The following CYFIP2 variants were observed in gnomAD, a reference collection of about 807,000 sequenced individuals.
CYFIP2 encodes cytoplasmic FMR1-interacting protein 2.
In CYFIP2, 29 loss-of-function variants were observed where a neutral mutation model predicts 158.7. That is an observed-to-expected ratio of 0.18 (90% CI 0.14 to 0.25). CYFIP2 has a LOEUF of 0.25. Among genes scored for constraint, CYFIP2 ranks in the 10% least tolerant of loss-of-function variants. The pLI, the probability that CYFIP2 is intolerant of heterozygous loss-of-function variation, is 1.00. For synonymous variants in CYFIP2, 585 were observed against 617.6 expected (o/e 0.95, Z 0.78); for missense variants, 852 against 1,639.5 (o/e 0.52, Z 8.29).
chr5:157,305,973 C>G (rs745630930), intron 8 of CYFIP2, among the ~76,000 whole-genome samples: 102 of 152,272 alleles, frequency 6.7e-4, no homozygotes, highest in Middle Eastern at 3.4e-3. Context: ...TTTCCATAAG[C>G]CTTCCTTAGC....
intron 3 of CYFIP2, among the ~76,000 whole-genome samples, chr5:157,294,224 T>C (rs915189259): frequency 6.6e-6 from 1 of 152,198 alleles, no homozygotes; most frequent in African/African-American, 2.4e-5. Flanking sequence ...GAAAGGGCTA[T>C]TATCATCCTT....
rs1227665621 is a variant in CYFIP2, at chr5:157,266,316, G to A, written c.-24+121G>A. 1 of 151,190 alleles carries A rather than the reference G, an allele frequency of 6.6e-6. No homozygotes were observed. The highest frequency in any genetic ancestry group is 1.5e-5 in the Non-Finnish European group (1 of 67,698). 9.4% of individuals were successfully genotyped at this position (151,190 alleles called of 1,614,324 possible). A position where few individuals can be genotyped will look rare whatever the true frequency, so the allele number is the denominator to read the frequency against. Reference sequence around the variant, plus strand: ...TCTCCCGGCCCGCGGGGGGCGCTCGGCGCTGTGCCCGGGCTAGCCCGAGGC... The same window carrying A: ...TCTCCCGGCCCGCGGGGGGCGCTCGACGCTGTGCCCGGGCTAGCCCGAGGC... On this transcript the variant is annotated intron_variant, in intron 1 of 30. Transcript: ENST00000620254. The surrounding 1 kb of genome is among the most constrained non-coding windows in gnomAD (Gnocchi z 4.2).
At chr5:157,381,648 C>T (rs1466425735) in intron 26 of CYFIP2, among the ~76,000 whole-genome samples, 1 of 152,108 alleles carries the variant, frequency 6.6e-6, no homozygotes, top group East Asian at 1.9e-4. Context: ...CTGGTAGCCT[C>T]ATTTCTAGGA....
intron 19 of CYFIP2, among the ~76,000 whole-genome samples, chr5:157,328,539 G>A (rs1761205051): frequency 6.6e-6 from 1 of 152,174 alleles, no homozygotes; most frequent in African/African-American, 2.4e-5. Flanking sequence ...ACTTCACAGG[G>A]CTGTGGGAGG....
chr5:157,351,500 CAT>C lies in CYFIP2; in HGVS notation c.2674-7504_2674-7503del, dbSNP rs149893061. 8.7e-3 allele frequency among the ~76,000 whole-genome samples: 1,331 copies of C among 152,294 alleles called. 14 individuals carry two copies. The highest frequency in any genetic ancestry group is 0.03 in the African/African-American group (1,254 of 41,538). On this transcript the variant is annotated intron_variant, in intron 23 of 30. Transcript: ENST00000620254. ...ACTTGGGAACTTTTTCTGCATTTAACATGTGTGTTCTCGTTTTACAAACCACA... is the reference window on the plus strand; with the variant it reads ...ACTTGGGAACTTTTTCTGCATTTAACGTGTGTTCTCGTTTTACAAACCACA...
rs1345985613 is a variant in CYFIP2 at position 157,394,586 on chromosome 5, A to G, written c.*1586A>G. The G allele has an allele frequency of 6.6e-6, 1 of 152,186 alleles. No individual in the cohort carries two copies. The highest frequency in any genetic ancestry group is 1.9e-4 in the East Asian group (1 of 5,202). 9.4% of individuals were successfully genotyped at this position (152,186 alleles called of 1,614,324 possible). Reference sequence around the variant, plus strand: ...CCCCACCTCAAACCTACTAATTCTGAATCTCTGGGAATAGGGCCAGGAAAT... The same window carrying G: ...CCCCACCTCAAACCTACTAATTCTGGATCTCTGGGAATAGGGCCAGGAAAT... On this transcript the variant is annotated 3_prime_UTR_variant, in exon 31 of 31. Coordinates refer to ENST00000620254, the MANE Select transcript of CYFIP2 (RefSeq NM_001037333.3).
In CYFIP2 at chr5:157,360,308, G is replaced by A. The variant is rs943843970; in HGVS notation, c.2844G>A (p.Val948=). The change falls in exon 25 of 31, where the codon GTG becomes GTA. Residue 948 remains valine (V), a synonymous_variant. Transcript: ENST00000620254. ...SLLQGTILQY[V]KTLIEVMPKI... Reference sequence around the variant, plus strand: ...TCCAAGGAACCATTCTCCAGTATGTGAAAACACTGATAGAGGTGATGCCCA... The same window carrying A: ...TCCAAGGAACCATTCTCCAGTATGTAAAAACACTGATAGAGGTGATGCCCA... 1.6e-5 allele frequency: 26 copies of A among 1,613,676 alleles called. No individual in the cohort carries two copies. The highest frequency in any genetic ancestry group is 2.1e-5 in the Non-Finnish European group (25 of 1,179,768).
At chr5:157,338,925 A>G in intron 21 of CYFIP2, 132 bp from the exon 22 acceptor site, 2 of 798,444 alleles carry the variant, frequency 2.5e-6, no homozygotes, top group South Asian at 1.8e-5. Flanking sequence ...TAAGGGTCCT[A>G]GTTCCCATGT....
In CYFIP2 at chr5:157,323,903, C is replaced by T; in HGVS notation, c.1672-18C>T. 6.5e-7 allele frequency: 1 copy of T among 1,537,502 alleles called. No individual in the cohort carries two copies. Among genetic ancestry groups the T allele is most frequent in the Non-Finnish European group, 8.8e-7 (1 of 1,135,346 alleles). ...GAGGGCCAGCTTCTGACCTTCTCAT[C>T]TTGCTTTCTTTTTCAAGCTGTACAT... On this transcript the variant is annotated intron_variant, in intron 15 of 30. Transcript: ENST00000620254.
chr5:157,330,983 G>T (rs1761412764), intron 20 of CYFIP2, 133 bp downstream of exon 20: 9 of 666,354 alleles, frequency 1.4e-5, no homozygotes, highest in Non-Finnish European at 1.8e-5. Context: ...CCGAGCCTGG[G>T]TGTAGCACAG....
chr5:157,371,007 G>A (rs961934001), intron 26 of CYFIP2, among the ~76,000 whole-genome samples: 3 of 152,146 alleles, frequency 2.0e-5, no homozygotes, highest in Admixed American at 6.5e-5. Flanking sequence ...GGAAGTGAGG[G>A]ACCAGTGGAA....
chr5:157,309,657 C>T, intron 9 of CYFIP2, 86 bp from the exon 10 acceptor site: 1 of 1,217,714 alleles, frequency 8.2e-7, no homozygotes, highest in Non-Finnish European at 1.2e-6. Context: ...CACACAGAGG[C>T]CTGCCTCCCA....
rs953980637 is a variant in CYFIP2 at position 157,292,966 on chromosome 5, A to G, written c.208-1817A>G. Among the ~76,000 whole-genome samples, 12 of 152,298 alleles carry G rather than the reference A, an allele frequency of 7.9e-5. No individual in the cohort carries two copies. The South Asian group carries it at 1.7e-3, about 21-fold the overall frequency. ...AATTTTAGGATAAGTGATTTACAAT[A>G]GACTAAAGGGCTAATAAGTGATGAA... is the stretch of plus-strand genomic sequence containing the variant. On this transcript the variant is annotated intron_variant, in intron 3 of 30. Transcript: ENST00000620254.
intron 1 of CYFIP2, among the ~76,000 whole-genome samples, chr5:157,272,805 C>G (rs1200721246): frequency 1.3e-5 from 2 of 152,102 alleles, no homozygotes; most frequent in Non-Finnish European, 2.9e-5. Context: ...ATTATATTTC[C>G]TTTCTTAGAG....
At chr5:157,317,709 T>C (rs183700867) in intron 13 of CYFIP2, among the ~76,000 whole-genome samples, 1 of 152,354 alleles carries the variant, frequency 6.6e-6, no homozygotes, top group African/African-American at 2.4e-5. Context: ...TTGCACAACT[T>C]TTTGTTCTTC....
chr5:157,359,521 T>G (rs1763653461), intron 24 of CYFIP2, among the ~76,000 whole-genome samples: 1 of 152,196 alleles, frequency 6.6e-6, no homozygotes, highest in Non-Finnish European at 1.5e-5. Flanking sequence ...GTGCTGCCAT[T>G]TTCCACGCCC....
chr5:157,313,579 G>T (rs1179505385), intron 11 of CYFIP2, among the ~76,000 whole-genome samples: 1 of 152,216 alleles, frequency 6.6e-6, no homozygotes, highest in East Asian at 1.9e-4. Flanking sequence ...ACTTCAGCTG[G>T]GAGTGGGTGT....
At chr5:157,331,716 A>C (rs570197643) in intron 20 of CYFIP2, among the ~76,000 whole-genome samples, 1 of 152,204 alleles carries the variant, frequency 6.6e-6, no homozygotes, top group Admixed American at 6.5e-5. Flanking sequence ...GCTATCGGTT[A>C]CAATGCAGCC....
intron 21 of CYFIP2, among the ~76,000 whole-genome samples, chr5:157,334,471 C>T (rs1232930894): frequency 1.3e-5 from 2 of 152,148 alleles, no homozygotes; most frequent in Non-Finnish European, 2.9e-5. Context: ...AGGATACTTG[C>T]ATAGTCTCAA....
Sources: allele counts gnomAD v4.1 joint callset (sites outside exome capture counted in the v4.1 genomes callset), GRCh38; gene constraint gnomAD v4.1.1; non-coding constraint Gnocchi (gnomAD v3.1); transcripts MANE v1.5; gene names NCBI Gene and HGNC (gene_info 2026-07-23, HGNC 2026-07-21).